The following PITPNM2 variants were observed in gnomAD, a reference collection of about 807,000 sequenced individuals.
The protein encoded by PITPNM2 is phosphatidylinositol transfer protein membrane associated 2.
In PITPNM2, 35 loss-of-function variants were observed where a neutral mutation model predicts 132.2. The observed-to-expected ratio is 0.26, with a 90% CI of 0.20 to 0.35. PITPNM2 has a LOEUF of 0.35. Ranked by LOEUF, PITPNM2 falls within the 10% of genes least tolerant of loss-of-function variation. PITPNM2 has a pLI of 1.00. For missense variants in PITPNM2, 1,332 were observed against 1,912.0 expected, an observed-to-expected ratio of 0.70 and a Z score of 5.66; for synonymous variants, 738 against 799.2, an observed-to-expected ratio of 0.92 and a Z score of 1.29.
intron 2 of PITPNM2, among the ~76,000 whole-genome samples, chr12:123,069,362 G>T (rs1378137179): frequency 6.6e-6 from 1 of 152,168 alleles, no homozygotes; most frequent in Non-Finnish European, 1.5e-5. Context: ...ATCTCCTGAG[G>T]TTATCAGGAA....
chr12:123,127,600 CTTTT>C (rs1274351166), intron 1 of PITPNM2, among the ~76,000 whole-genome samples: 56 of 150,838 alleles, frequency 3.7e-4, no homozygotes, highest in Non-Finnish European at 6.9e-4. Flanking sequence ...TGCCCTGCCT[CTTTT>C]TCTTTCTTTT....
Position 123,150,933 on chromosome 12 carries a change from A to G in PITPNM2, c.-380T>C, listed in dbSNP as rs1431279014. Reference sequence around the variant, plus strand: ...AGAGCCCCGGCGGGCATTGCTCCCGAGCGTCGCAGGCGGGCGGCGGCGGCG... The same window carrying G: ...AGAGCCCCGGCGGGCATTGCTCCCGGGCGTCGCAGGCGGGCGGCGGCGGCG... On this transcript the variant is annotated 5_prime_UTR_variant, in exon 1 of 26. Transcript: ENST00000320201. This position sits in a 1 kb window ranked among gnomAD's most constrained non-coding sequence, Gnocchi z 6.0. Among the ~76,000 whole-genome samples the G allele has an allele frequency of 6.9e-6, 1 of 144,298 alleles. No individual in the cohort carries two copies. Among genetic ancestry groups the G allele is most frequent in the African/African-American group, 2.5e-5 (1 of 40,002 alleles). 94.7% of individuals were successfully genotyped at this position (144,298 alleles called of 152,430 possible).
intron 2 of PITPNM2, among the ~76,000 whole-genome samples, chr12:123,103,869 T>C (rs2042625719): frequency 6.6e-6 from 1 of 152,068 alleles, no homozygotes; most frequent in African/African-American, 2.4e-5. Context: ...AGAATTCCTC[T>C]AGGCTCTACC....
Position 123,061,300 on chromosome 12 carries a change from G to A in PITPNM2, c.-95-26615C>T, listed in dbSNP as rs995094717. On this transcript the variant is annotated intron_variant, in intron 2 of 25. Coordinates refer to ENST00000320201, the MANE Select transcript of PITPNM2 (RefSeq NM_020845.3). ...GGTAACAGGGCTCATGACAAGGCAC[G>A]GTCTATGCAGGATGCCTGCCCTAAG... is the stretch of plus-strand genomic sequence containing the variant. 5.9e-5 allele frequency among the ~76,000 whole-genome samples: 9 copies of A among 152,342 alleles called. No homozygotes were observed. The East Asian group carries it at 1.7e-3, about 29-fold the overall frequency.
At chr12:123,055,318 G>A (rs937290238) in intron 2 of PITPNM2, among the ~76,000 whole-genome samples, 6 of 152,160 alleles carry the variant, frequency 3.9e-5, no homozygotes, top group African/African-American at 1.4e-4. Context: ...CTTTCATCAT[G>A]TGCAGACTCT....
At chr12:123,044,417 G>A (rs2040587546) in intron 2 of PITPNM2, among the ~76,000 whole-genome samples, 1 of 152,226 alleles carries the variant, frequency 6.6e-6, no homozygotes, top group African/African-American at 2.4e-5. Context: ...GAGGCTGAGA[G>A]CCTGTTGGCA....
upstream of PITPNM2, among the ~76,000 whole-genome samples, chr12:123,151,841 A>G (rs192665489): frequency 3.2e-4 from 49 of 152,314 alleles, no homozygotes; most frequent in East Asian, 4.6e-3. Flanking sequence ...CCTAAAACTT[A>G]GTGATGTGTG....
chr12:123,035,840 A>G (rs2040251207), intron 2 of PITPNM2, among the ~76,000 whole-genome samples: 1 of 152,092 alleles, frequency 6.6e-6, no homozygotes, highest in African/African-American at 2.4e-5. Flanking sequence ...GGTTTTCAGG[A>G]TGGATGATAA....
chr12:123,040,734 G>T (rs995799578), intron 2 of PITPNM2, among the ~76,000 whole-genome samples: 3 of 151,846 alleles, frequency 2.0e-5, no homozygotes, highest in Non-Finnish European at 4.4e-5. Context: ...TTTAAAAAAA[G>T]ATCATGTAGA....
chr12:123,039,122 T>C (rs1487062874), intron 2 of PITPNM2, among the ~76,000 whole-genome samples: 1 of 152,012 alleles, frequency 6.6e-6, no homozygotes, highest in East Asian at 1.9e-4. Flanking sequence ...CCTCCCACCA[T>C]GCACCCCTGG....
intron 10 of PITPNM2, among the ~76,000 whole-genome samples, chr12:122,998,044 C>T (rs2038505434): frequency 6.6e-6 from 1 of 152,188 alleles, no homozygotes; most frequent in South Asian, 2.1e-4. Context: ...CCACCACCAG[C>T]TCAAAGTTAC....
intron 1 of PITPNM2, among the ~76,000 whole-genome samples, chr12:123,142,927 C>A (rs2043536801): frequency 6.6e-6 from 1 of 151,012 alleles, no homozygotes; most frequent in African/African-American, 2.4e-5. Context: ...TATAAAGTAC[C>A]AAGGAAAGCA....
At chr12:123,033,053 T>C (rs1256617401) in intron 3 of PITPNM2, among the ~76,000 whole-genome samples, 2 of 152,170 alleles carry the variant, frequency 1.3e-5, no homozygotes, top group Non-Finnish European at 2.9e-5. Flanking sequence ...GGGAGCCCAA[T>C]AGGCGAAGCC....
At position 122,992,698 on chromosome 12, in the gene PITPNM2, T is replaced by G; in HGVS notation, c.2234-29A>C. ...GGGGTGGGGGTGTTGGCTGCAGAGC[T>G]GGGGCTGGCCCTGAGGAGCAGTGGT... On this transcript the variant is annotated intron_variant, in intron 15 of 25. Coordinates refer to ENST00000320201, the MANE Select transcript of PITPNM2 (RefSeq NM_020845.3). This position sits in a 1 kb window ranked among gnomAD's most constrained non-coding sequence, Gnocchi z 6.5. The G allele has an allele frequency of 3.5e-6, 5 of 1,447,150 alleles. No individual in the cohort carries two copies. Among genetic ancestry groups the G allele is most frequent in the African/African-American group, 1.5e-5 (1 of 68,128 alleles). 89.6% of individuals were successfully genotyped at this position (1,447,150 alleles called of 1,614,324 possible).
chr12:123,086,361 G>A (rs1025432941), intron 2 of PITPNM2, among the ~76,000 whole-genome samples: 1 of 152,216 alleles, frequency 6.6e-6, no homozygotes, highest in Non-Finnish European at 1.5e-5. Flanking sequence ...GACAGTGTTT[G>A]TCTCTTGGGC....
intron 1 of PITPNM2, among the ~76,000 whole-genome samples, chr12:123,140,918 C>T (rs2043492960): frequency 6.7e-6 from 1 of 150,214 alleles, no homozygotes; most frequent in African/African-American, 2.5e-5. Context: ...AGCTACAGAA[C>T]AAACAGAAGA....
chr12:122,987,096 C>T (rs1322345315), intron 23 of PITPNM2, among the ~76,000 whole-genome samples, 185 bp downstream of exon 23: 5 of 152,264 alleles, frequency 3.3e-5, no homozygotes, highest in Non-Finnish European at 4.4e-5. Flanking sequence ...GAAGTGACAT[C>T]GCTTGCCCAA....
chr12:123,004,623 G>T lies in PITPNM2; in HGVS notation c.953-134C>A, dbSNP rs2038844604. The T allele has an allele frequency of 1.3e-6, 1 of 791,646 alleles. No homozygotes were observed. The highest frequency in any genetic ancestry group is 2.1e-6 in the Non-Finnish European group (1 of 465,348). 49.0% of individuals were successfully genotyped at this position (791,646 alleles called of 1,614,324 possible). A position where few individuals can be genotyped will look rare whatever the true frequency, so the allele number is the denominator to read the frequency against. The stretch of plus-strand genomic sequence containing the variant: ...CAGAGGCTGCCACAGGAGCCAGGAA[G>T]GTTCCGAAGAGAATGAAGTGTGTAA... On this transcript the variant is annotated intron_variant, in intron 7 of 25. Coordinates refer to ENST00000320201, the MANE Select transcript of PITPNM2 (RefSeq NM_020845.3). The surrounding 1 kb of genome is among the most constrained non-coding windows in gnomAD (Gnocchi z 4.9).
In PITPNM2 at chr12:123,097,307, T is replaced by G. The variant is rs1486941799; in HGVS notation, c.-96+13078A>C. On this transcript the variant is annotated intron_variant, in intron 2 of 25. Transcript: ENST00000320201. This position sits in a 1 kb window ranked among gnomAD's most constrained non-coding sequence, Gnocchi z 4.7. ...ATCCACCTGCCTTGGCCTCCCAAAG[T>G]GCTGGGATTACAGGCATGAGCCACC... Among the ~76,000 whole-genome samples, 1 of 152,122 alleles carries G rather than the reference T, an allele frequency of 6.6e-6. No homozygotes were observed. Among genetic ancestry groups the G allele is most frequent in the Non-Finnish European group, 1.5e-5 (1 of 68,024 alleles).
Sources: gnomAD v4.1 joint callset for allele counts (sites outside exome capture counted in the v4.1 genomes callset) on GRCh38, gnomAD v4.1.1 for gene constraint, Gnocchi (gnomAD v3.1) non-coding constraint, MANE v1.5 for transcripts, NCBI Gene and HGNC (gene_info 2026-07-23, HGNC 2026-07-21) for gene names.